PTPRB: variants seen among roughly 807,000 people sequenced by gnomAD.
The protein encoded by PTPRB is receptor-type tyrosine-protein phosphatase beta.
PTPRB carries 97 observed loss-of-function variants against 238.1 expected under a neutral mutation model. That is an observed-to-expected ratio of 0.41 (90% CI 0.35 to 0.48). The LOEUF (loss-of-function observed/expected upper bound fraction) is 0.48. Ranked by LOEUF, PTPRB falls within the 20% of genes least tolerant of loss-of-function variation. The probability of loss-of-function intolerance (pLI) is 0.30; values close to 1 mark genes in which losing one functional copy is unlikely to be tolerated. For missense variants in PTPRB, 2,292 were observed against 2,681.9 expected (o/e 0.85, Z 3.21); for synonymous variants, 970 against 995.4 (o/e 0.97, Z 0.48).
chr12:70,600,227 G>A (rs541579500), intron 4 of PTPRB, among the ~76,000 whole-genome samples: 7 of 152,158 alleles, frequency 4.6e-5, no homozygotes, highest in Non-Finnish European at 1.0e-4. Context: ...AGGCACGACA[G>A]CACCACATTA....
intron 9 of PTPRB, chr12:70,585,296 C>T (rs1364027794): frequency 6.6e-6 from 1 of 152,102 alleles, no homozygotes; most frequent in Non-Finnish European, 1.5e-5. Flanking sequence ...TCCAATTACA[C>T]TGAAAAAAAT....
At chr12:70,541,085 G>A (rs752172331) in intron 22 of PTPRB, 128 bp from the exon 23 acceptor site, 11 of 749,452 alleles carry the variant, frequency 1.5e-5, no homozygotes, top group Non-Finnish European at 2.0e-5. Flanking sequence ...TGATGCCCAC[G>A]ATGAGGCATT....
At chr12:70,614,903 C>G (rs2136560826) in intron 3 of PTPRB, among the ~76,000 whole-genome samples, 1 of 152,252 alleles carries the variant, frequency 6.6e-6, no homozygotes, top group East Asian at 1.9e-4. Flanking sequence ...AAAACCATGA[C>G]CAGCCTATTT....
chr12:70,626,796 C>T (rs1226206036), intron 2 of PTPRB, among the ~76,000 whole-genome samples: 1 of 151,618 alleles, frequency 6.6e-6, no homozygotes, highest in East Asian at 1.9e-4. Flanking sequence ...TGTGTGTGTG[C>T]ATTAAATAAG....
chr12:70,604,350 A>C (rs1188854875), intron 4 of PTPRB, among the ~76,000 whole-genome samples: 2 of 152,236 alleles, frequency 1.3e-5, no homozygotes, highest in African/African-American at 4.8e-5. Context: ...TATAGATTTG[A>C]TCATGCATTA....
intron 21 of PTPRB, 148 bp downstream of exon 21, chr12:70,552,629 C>T (rs535868725): frequency 2.7e-5 from 28 of 1,049,330 alleles, no homozygotes; most frequent in Admixed American, 5.6e-5. Flanking sequence ...AGGAATCCAA[C>T]GTTTATAAAT....
At chr12:70,563,371 C>T (rs1878766010) in intron 15 of PTPRB, among the ~76,000 whole-genome samples, 1 of 152,210 alleles carries the variant, frequency 6.6e-6, no homozygotes, top group African/African-American at 2.4e-5. Flanking sequence ...CAGATGCTGC[C>T]TGATTCCTCA....
chr12:70,520,023 A>G lies in PTPRB; in HGVS notation c.*1466T>C. On this transcript the variant is annotated 3_prime_UTR_variant, in exon 34 of 34. Coordinates refer to ENST00000334414, the MANE Select transcript of PTPRB (RefSeq NM_001109754.4). Reference sequence around the variant, plus strand: ...TTTATGGTAGGTTACAAAAATATATACTTTGAAAAGAAATATACTCTTTAT... The same window carrying G: ...TTTATGGTAGGTTACAAAAATATATGCTTTGAAAAGAAATATACTCTTTAT... 1 of 277,562 alleles carries G rather than the reference A, an allele frequency of 3.6e-6. No homozygotes were observed. The highest frequency in any genetic ancestry group is 7.2e-6 in the Non-Finnish European group (1 of 139,104). The allele number at this position is 277,562 out of a possible 1,614,324, so 17.2% of individuals were successfully genotyped here.
At chr12:70,633,735 C>T (rs562144911) in intron 2 of PTPRB, among the ~76,000 whole-genome samples, 2 of 152,164 alleles carry the variant, frequency 1.3e-5, no homozygotes, top group South Asian at 2.1e-4. Flanking sequence ...ACCTTATTTT[C>T]GAAGTCTATT....
intron 2 of PTPRB, among the ~76,000 whole-genome samples, chr12:70,626,312 T>C (rs914477686): frequency 5.4e-5 from 7 of 129,476 alleles, no homozygotes; most frequent in Admixed American, 1.7e-4. Flanking sequence ...TCTATCTATC[T>C]ATCTATCTAT....
chr12:70,572,329 CAA>C (rs1353531050), intron 11 of PTPRB, among the ~76,000 whole-genome samples: 2 of 152,130 alleles, frequency 1.3e-5, no homozygotes, highest in Non-Finnish European at 2.9e-5. Context: ...TTTGCCTGCA[CAA>C]AGTGTCATGT....
chr12:70,579,990 TTAAG>T (rs1439215574), intron 10 of PTPRB, among the ~76,000 whole-genome samples: 3 of 152,054 alleles, frequency 2.0e-5, no homozygotes, highest in African/African-American at 7.2e-5. Flanking sequence ...TTATATAAAA[TTAAG>T]TAGACAAGGT....
intron 6 of PTPRB, among the ~76,000 whole-genome samples, chr12:70,593,959 G>A (rs192200507): frequency 6.2e-4 from 94 of 152,336 alleles, no homozygotes; most frequent in African/African-American, 1.8e-3. Flanking sequence ...ATGAAAGTTT[G>A]TATAAATTAC....
In PTPRB at chr12:70,576,662, T is replaced by TCGGGGG. The variant is rs1555230172; in HGVS notation, c.2579-18_2579-17insCCCCCG. The TCGGGGG allele has an allele frequency of 6.6e-5, 1 of 15,192 alleles. No individual in the cohort carries two copies. Among genetic ancestry groups the TCGGGGG allele is most frequent in the African/African-American group, 3.3e-4 (1 of 3,074 alleles). 0.9% of individuals were successfully genotyped at this position (15,192 alleles called of 1,614,324 possible). On this transcript the variant is annotated splice_polypyrimidine_tract_variant and intron_variant, in intron 10 of 33. Transcript: ENST00000334414. The stretch of plus-strand genomic sequence containing the variant: ...TGGAAGGGACTGTGATTTTGAAAGG[T>TCGGGGG]GGGGGGCGGGGGGGGGGGGGAAGGG...
rs1174690246 is a variant in PTPRB, at chr12:70,538,244, AT to A, written c.5870-14del. ...CGCGTGGCATCATCTGGAAGGAGAG[AT>A]TTGCTGCTGAGTCTTGGAGTGACTT... On this transcript the variant is annotated splice_polypyrimidine_tract_variant and intron_variant, in intron 27 of 33. Transcript: ENST00000334414. 6.2e-7 allele frequency: 1 copy of A among 1,610,994 alleles called. No homozygotes were observed. Among genetic ancestry groups the A allele is most frequent in the Non-Finnish European group, 8.5e-7 (1 of 1,178,278 alleles).
rs1259988003 is a variant in PTPRB, at chr12:70,609,165, T to C, written c.883A>G (p.Thr295Ala). 9.9e-6 allele frequency: 16 copies of C among 1,614,018 alleles called. No individual in the cohort carries two copies. Among genetic ancestry groups the C allele is most frequent in the Non-Finnish European group, 1.3e-5 (15 of 1,179,886 alleles). The change falls in exon 4 of 34, where the codon ACA (threonine) becomes GCA (alanine). Residue 295 changes from threonine to alanine, a missense_variant. This residue lies in a region of PTPRB where 1,205 missense variants were observed against 1,287.8 expected (regional missense o/e 0.94). Coordinates refer to ENST00000334414, the MANE Select transcript of PTPRB (RefSeq NM_001109754.4). ...AAATCTTGAAGGTTACATCCGTATGTGGTGTTGTCTATCCGAAAGGTAGGG... is the reference window on the plus strand; with the variant it reads ...AAATCTTGAAGGTTACATCCGTATGCGGTGTTGTCTATCCGAAAGGTAGGG... ...LCPTFRIDNT[T>A]YGCNLQDLQA...
intron 3 of PTPRB, among the ~76,000 whole-genome samples, chr12:70,620,802 T>C (rs192153525): frequency 7.9e-5 from 12 of 152,280 alleles, no homozygotes; most frequent in Admixed American, 1.3e-4. Context: ...AAATAATGTG[T>C]ACACATGGAC....
intron 16 of PTPRB, among the ~76,000 whole-genome samples, chr12:70,561,266 T>C (rs773421992): frequency 6.6e-6 from 1 of 152,280 alleles, no homozygotes; most frequent in East Asian, 1.9e-4. Context: ...TTCCAGCTCC[T>C]CCCAGTGTGG....
intron 3 of PTPRB, 111 bp from the exon 4 acceptor site, chr12:70,609,450 T>C: frequency 7.2e-7 from 1 of 1,390,230 alleles, no homozygotes; most frequent in Non-Finnish European, 9.7e-7. Flanking sequence ...CCTTTGTCCC[T>C]TGCCTCAGCC....
Sources: gnomAD v4.1 joint callset for allele counts (sites outside exome capture counted in the v4.1 genomes callset) on GRCh38, gnomAD v4.1.1 for gene constraint, gnomAD v4.1.1 regional missense constraint, MANE v1.5 for transcripts, NCBI Gene and HGNC (gene_info 2026-07-23, HGNC 2026-07-21) for gene names.